The following SPTBN4 variants were observed in gnomAD, a reference collection of about 807,000 sequenced individuals.
SPTBN4 encodes spectrin beta, non-erythrocytic 4.
A neutral mutation model predicts 277.8 loss-of-function variants in SPTBN4; 96 were observed. The observed-to-expected ratio is 0.35, with a 90% CI of 0.29 to 0.41. The LOEUF (loss-of-function observed/expected upper bound fraction) is 0.41. Among genes scored for constraint, SPTBN4 ranks in the 10% least tolerant of loss-of-function variants. The pLI is 1.00. For synonymous variants in SPTBN4, 1,481 were observed against 1,580.3 expected (o/e 0.94, Z 1.49); for missense variants, 3,006 against 3,595.7 (o/e 0.84, Z 4.19).
chr19:40,528,820 G>C (rs575137340), intron 17 of SPTBN4, among the ~76,000 whole-genome samples: 14 of 151,696 alleles, frequency 9.2e-5, no homozygotes, highest in Admixed American at 9.2e-4. Flanking sequence ...CTAAGTGCCT[G>C]TCTCTGCCTC....
At position 40,506,205 on chromosome 19, in the gene SPTBN4, G is replaced by A. The variant is rs1161301747; in HGVS notation, c.1666-31G>A. Reference sequence around the variant, plus strand: ...AGGTGAGTGGCCCAGGGCAGTGCCAGAGGTGTGCTCAGTGCTGTCCCCGCT... The same window carrying A: ...AGGTGAGTGGCCCAGGGCAGTGCCAAAGGTGTGCTCAGTGCTGTCCCCGCT... On this transcript the variant is annotated intron_variant, in intron 12 of 35. Coordinates refer to ENST00000598249, the MANE Select transcript of SPTBN4 (RefSeq NM_020971.3). 3 of 1,590,220 alleles carry A rather than the reference G, an allele frequency of 1.9e-6. No individual in the cohort carries two copies. In the South Asian group the frequency reaches 3.4e-5, roughly 18 times the overall value.
chr19:40,552,811 C>A (rs1334986257), intron 22 of SPTBN4, among the ~76,000 whole-genome samples: 1 of 152,160 alleles, frequency 6.6e-6, no homozygotes. Context: ...GTTGAGGAAA[C>A]TGATCAAGTG....
intron 25 of SPTBN4, 117 bp from the exon 26 acceptor site, chr19:40,556,906 C>T (rs866426145): frequency 5.8e-5 from 77 of 1,316,614 alleles, no homozygotes; most frequent in Middle Eastern, 2.7e-4. Flanking sequence ...CCAACCTGGG[C>T]GACAGAGCAA....
chr19:40,508,404 G>C (rs1457798989), intron 13 of SPTBN4, among the ~76,000 whole-genome samples: 3 of 152,108 alleles, frequency 2.0e-5, no homozygotes, highest in African/African-American at 7.2e-5. Flanking sequence ...GTATGATGGG[G>C]GGCTAGGCGC....
intron 20 of SPTBN4, 59 bp downstream of exon 20, chr19:40,534,402 T>C: frequency 6.4e-7 from 1 of 1,571,418 alleles, no homozygotes; most frequent in Non-Finnish European, 8.6e-7. Flanking sequence ...CAGGTCAGGG[T>C]CCAACCCCAC....
intron 17 of SPTBN4, among the ~76,000 whole-genome samples, chr19:40,527,210 T>C (rs2080603063): frequency 6.6e-6 from 1 of 152,204 alleles, no homozygotes; most frequent in South Asian, 2.1e-4. Flanking sequence ...TCCGTTTTTC[T>C]CTCCCTCCAT....
chr19:40,512,637 C>A lies in SPTBN4; in HGVS notation c.1848C>A (p.Cys616Ter). 2 of 1,541,840 alleles carry A rather than the reference C, an allele frequency of 1.3e-6. No homozygotes were observed. Among genetic ancestry groups the A allele is most frequent in the Admixed American group, 1.9e-5 (1 of 52,936 alleles). ...AGCCCTGCGACCCGCAGGTCATCTG[C>A]AACCGCGTGAACCACGTGCACGGCT... The part of the protein sequence containing the change: ...GYQPCDPQVI[C>*]NRVNHVHGCL... The change falls in exon 14 of 36, where the codon TGC becomes TGA. Residue 616 changes from cysteine to a stop codon, truncating the protein, a stop_gained. Transcript: ENST00000598249. LOFTEE classifies it high-confidence loss of function.
intron 17 of SPTBN4, among the ~76,000 whole-genome samples, chr19:40,527,885 G>A (rs2080611693): frequency 6.6e-6 from 1 of 151,882 alleles, no homozygotes; most frequent in Non-Finnish European, 1.5e-5. Context: ...GCGAAAACTC[G>A]TCTCTACTAA....
At position 40,554,256 on chromosome 19, in the gene SPTBN4, G is replaced by T. The variant is rs771174440; in HGVS notation, c.4784G>T (p.Gly1595Val). ...CCGGAGGCAGAGGCAGTGCGCCGGG[G>T]CCTGGAGCAGCTGCAGAGCGCCTGG... ...RSPEAEAVRR[G>V]LEQLQSAWAG... Residue 1595 changes from glycine (G) to valine (V), a missense_variant, in exon 23 of 36, where the codon GGC becomes GTC. By Grantham distance (109) the Gly-to-Val change is moderately radical (BLOSUM62 -3). Coordinates refer to ENST00000598249, the MANE Select transcript of SPTBN4 (RefSeq NM_020971.3). The surrounding 1 kb of genome is among the most constrained non-coding windows in gnomAD (Gnocchi z 5.7). 2.6e-6 allele frequency: 4 copies of T among 1,531,282 alleles called. No homozygotes were observed. The highest frequency in any genetic ancestry group is 3.5e-6 in the Non-Finnish European group (4 of 1,145,614). 94.9% of individuals were successfully genotyped at this position (1,531,282 alleles called of 1,614,324 possible).
intron 11 of SPTBN4, among the ~76,000 whole-genome samples, chr19:40,503,328 C>G (rs1285806673): frequency 6.6e-6 from 1 of 152,072 alleles, no homozygotes; most frequent in Admixed American, 6.6e-5. Context: ...AAGCATGGGC[C>G]TCCTTCCTGG....
chr19:40,566,296 G>C lies in SPTBN4; in HGVS notation c.6273G>C (p.Glu2091Asp). ...DEVEQLIRRHEAFRKAAAAWE... is the reference protein window; with the variant it reads ...DEVEQLIRRHDAFRKAAAAWE... The stretch of plus-strand genomic sequence containing the variant: ...TGGAGCAGCTTATCCGGCGACATGA[G>C]GCCTTCCGCAAAGCGGCTGCAGCCT... The change falls in exon 30 of 36, where the codon GAG becomes GAC. Residue 2091 changes from glutamate to aspartate, a missense_variant. Glu to Asp is a conservative substitution (Grantham distance 45). Around this residue, in one of 5 missense-constraint regions of SPTBN4, gnomAD observed 630 missense variants for 677.6 expected, o/e 0.93. Transcript: ENST00000598249. 1 of 1,594,496 alleles carries C rather than the reference G, an allele frequency of 6.3e-7. No homozygotes were observed. The highest frequency in any genetic ancestry group is 8.5e-7 in the Non-Finnish European group (1 of 1,170,546).
Position 40,570,631 on chromosome 19 carries a change from G to GC in SPTBN4, c.7227dup (p.Ala2410ArgfsTer25). 6.7e-7 allele frequency: 1 copy of GC among 1,489,872 alleles called. No homozygotes were observed. The highest frequency in any genetic ancestry group is 1.3e-5 in the South Asian group (1 of 78,396). The allele number at this position is 1,489,872 out of a possible 1,614,324, so 92.3% of individuals were successfully genotyped here. ...CTCCGCCCCGGCCCAGGGCGGCTCC[G>GC]CCCCCGCGCCTCCGCCACCGCCCAC... On this transcript the variant is annotated frameshift_variant, in exon 33 of 36. Transcript: ENST00000598249. LOFTEE classifies it high-confidence loss of function.
intron 27 of SPTBN4, among the ~76,000 whole-genome samples, chr19:40,564,608 C>T (rs1396855686): frequency 6.6e-6 from 1 of 152,082 alleles, no homozygotes; most frequent in Non-Finnish European, 1.5e-5. Context: ...GAGGCTGAGG[C>T]AGGTGGATTG....
chr19:40,484,752 C>G (rs2080050330), intron 2 of SPTBN4, among the ~76,000 whole-genome samples: 1 of 151,406 alleles, frequency 6.6e-6, no homozygotes, highest in African/African-American at 2.4e-5. Flanking sequence ...ATGGTGAAAC[C>G]CCATCTCTAC....
intron 5 of SPTBN4, among the ~76,000 whole-genome samples, chr19:40,493,942 C>T (rs1047418787): frequency 6.6e-6 from 1 of 152,178 alleles, no homozygotes; most frequent in Non-Finnish European, 1.5e-5. Context: ...CCACCCTCTC[C>T]CGCTGTGAGC....
intron 5 of SPTBN4, 61 bp from the exon 6 acceptor site, chr19:40,494,835 TC>T: frequency 1.4e-6 from 2 of 1,467,462 alleles, no homozygotes; most frequent in Non-Finnish European, 1.9e-6. Flanking sequence ...TCTGTCTTTT[TC>T]CCCTTTCTTC....
intron 7 of SPTBN4, among the ~76,000 whole-genome samples, chr19:40,501,064 G>A (rs2080258030): frequency 6.6e-6 from 1 of 151,970 alleles, no homozygotes; most frequent in African/African-American, 2.4e-5. Flanking sequence ...AGTGAACATG[G>A]AGGCTTGTCT....
intron 3 of SPTBN4, 96 bp downstream of exon 3, chr19:40,487,944 T>C (rs1027649402): frequency 1.5e-5 from 21 of 1,378,914 alleles, no homozygotes; most frequent in Non-Finnish European, 1.9e-5. Flanking sequence ...AGCAGGGGCC[T>C]GGCTCATGGG....
chr19:40,505,381 T>TTAAA (rs2080313757), intron 12 of SPTBN4, among the ~76,000 whole-genome samples: 1 of 38,664 alleles, frequency 2.6e-5, no homozygotes, highest in Non-Finnish European at 4.7e-5. Context: ...AGACCCTGTC[T>TTAAA]CAAAAAAAAA....
Sources: allele counts gnomAD v4.1 joint callset (sites outside exome capture counted in the v4.1 genomes callset), GRCh38; gene constraint gnomAD v4.1.1; regional missense constraint gnomAD v4.1.1; non-coding constraint Gnocchi (gnomAD v3.1); transcripts MANE v1.5; gene names NCBI Gene and HGNC (gene_info 2026-07-23, HGNC 2026-07-21).